The following LAX1 variants were observed in gnomAD, a reference collection of about 807,000 sequenced individuals.
The protein encoded by LAX1 is lymphocyte transmembrane adapter 1.
Under a neutral mutation model 20.7 loss-of-function variants are expected in LAX1, and 17 were observed. That is an observed-to-expected ratio of 0.82 (90% CI 0.56 to 1.23). The LOEUF is 1.23. LAX1 is among the 50% of genes most tolerant of loss of function. The pLI is 0.00. For synonymous variants in LAX1, 165 were observed against 181.0 expected (o/e 0.91, Z 0.71); for missense variants, 470 against 487.0 (o/e 0.97, Z 0.33).
chr1:203,774,101 T>C lies in LAX1; in HGVS notation c.617T>C (p.Leu206Pro), dbSNP rs984797295. 3.7e-6 allele frequency: 6 copies of C among 1,614,106 alleles called. No individual in the cohort carries two copies. The African/African-American group carries it at 6.7e-5, about 18-fold the overall frequency. ...VPTAEEIAETLASTKSPSRNL... is the reference protein window; with the variant it reads ...VPTAEEIAETPASTKSPSRNL... ...ACAGCAGAAGAGATTGCTGAGACTC[T>C]AGCTTCTACCAAAAGCCCTTCCAGA... Residue 206 changes from leucine (L) to proline (P), a missense_variant, in exon 5 of 5, where the codon CTA (leucine) becomes CCA (proline). Transcript: ENST00000442561.
At chr1:203,770,394 C>T (rs1040288587) in intron 1 of LAX1, among the ~76,000 whole-genome samples, 12 of 133,186 alleles carry the variant, frequency 9.0e-5, no homozygotes, top group Admixed American at 1.6e-4. Context: ...CCAGCCTGGG[C>T]GACAGAGAAA....
intron 1 of LAX1, among the ~76,000 whole-genome samples, chr1:203,766,058 T>A (rs1020193625): frequency 6.6e-6 from 1 of 152,238 alleles, no homozygotes; most frequent in Non-Finnish European, 1.5e-5. Context: ...TAGTGATAGA[T>A]GTAATAAAGA....
intron 4 of LAX1, among the ~76,000 whole-genome samples, chr1:203,773,201 A>C (rs957097158): frequency 2.0e-5 from 3 of 152,152 alleles, no homozygotes; most frequent in Non-Finnish European, 4.4e-5. Flanking sequence ...TGTAGCTGAT[A>C]TAGAAAGTGT....
At chr1:203,772,264 G>A (rs1011636573) in intron 4 of LAX1, 117 bp downstream of exon 4, 23 of 756,138 alleles carry the variant, frequency 3.0e-5, no homozygotes, top group African/African-American at 8.6e-5. Flanking sequence ...TTTGGCACTC[G>A]CCCTGCAGTC....
Position 203,773,897 on chromosome 1 carries a change from T to C in LAX1, c.413T>C (p.Phe138Ser). The C allele has an allele frequency of 6.2e-7, 1 of 1,612,130 alleles. No homozygotes were observed. Among genetic ancestry groups the C allele is most frequent in the Non-Finnish European group, 8.5e-7 (1 of 1,179,230 alleles). The stretch of plus-strand genomic sequence containing the variant: ...TAGCCCTCCCAAGCAGGCAATGCCT[T>C]CCAGGAGCATACAGCCCACATCCAT... ...EHVPSQAGNA[F>S]QEHTAHIHAT... The change falls in exon 5 of 5, where the codon TTC (phenylalanine) becomes TCC (serine). Residue 138 changes from phenylalanine (F) to serine (S), a missense_variant. Coordinates refer to ENST00000442561, the MANE Select transcript of LAX1 (RefSeq NM_017773.4).
intron 1 of LAX1, among the ~76,000 whole-genome samples, chr1:203,769,072 C>A (rs1667350574): frequency 6.6e-6 from 1 of 151,934 alleles, no homozygotes; most frequent in South Asian, 2.1e-4. Flanking sequence ...GTCTGTTAGG[C>A]AACTAGTTAG....
Position 203,770,473 on chromosome 1 carries a change from GGAAGGA to G in LAX1, c.90-354_90-349del, listed in dbSNP as rs1558070739. ...AGAGAGAAAGGAAGGAAGGAAGGAA[GGAAGGA>G]AGGAAGGAAGGAAGGAAGGAAGGAA... On this transcript the variant is annotated intron_variant, in intron 1 of 4. Coordinates refer to ENST00000442561, the MANE Select transcript of LAX1 (RefSeq NM_017773.4). Among the ~76,000 whole-genome samples, 38 of 27,874 alleles carry G rather than the reference GGAAGGA, an allele frequency of 1.4e-3. 7 individuals are homozygous for G. The East Asian group carries it at 0.026, about 19-fold the overall frequency. 18.3% of individuals were successfully genotyped at this position (27,874 alleles called of 152,430 possible).
At chr1:203,771,579 C>A in intron 3 of LAX1, 102 bp downstream of exon 3, 1 of 785,782 alleles carries the variant, frequency 1.3e-6, no homozygotes. Flanking sequence ...GTTCTCAAAC[C>A]TGTTTGCCCT....
chr1:203,770,775 C>T, intron 1 of LAX1, 53 bp from the exon 2 acceptor site: 1 of 1,427,440 alleles, frequency 7.0e-7, no homozygotes, highest in Non-Finnish European at 9.9e-7. Flanking sequence ...AATGTCTCCT[C>T]CAGCCTCTCC....
chr1:203,774,678 A>G lies in LAX1; in HGVS notation c.1194A>G (p.Glu398=). The G allele has an allele frequency of 6.2e-7, 1 of 1,612,840 alleles. No homozygotes were observed. Among genetic ancestry groups the G allele is most frequent in the Non-Finnish European group, 8.5e-7 (1 of 1,179,486 alleles). The stretch of plus-strand genomic sequence containing the variant: ...CTGGCACTCAGCTCCTTCCTGATGA[A>G]TGAAGACCCAGGTACCCAGCCATAA... ...QGPGTQLLPD[E] is the part of the protein sequence containing the mutation. Residue 398 remains glutamate, a synonymous_variant, in exon 5 of 5, where the codon GAA becomes GAG. Transcript: ENST00000442561.
In LAX1 at chr1:203,774,420, T is replaced by A; in HGVS notation, c.936T>A (p.Asp312Glu). The change falls in exon 5 of 5, where the codon GAT becomes GAA. Residue 312 changes from aspartate (D) to glutamate (E), a missense_variant. By Grantham distance (45) the Asp-to-Glu change is conservative. Transcript: ENST00000442561. ...GAAGCCAGCAGCAGGCTGAGAAAGATGTGCCATCCTCAAACATAGGTCATG... is the reference window on the plus strand; with the variant it reads ...GAAGCCAGCAGCAGGCTGAGAAAGAAGTGCCATCCTCAAACATAGGTCATG... Reference protein sequence around the residue: ...PSGSQQQAEKDVPSSNIGHVE... With the variant: ...PSGSQQQAEKEVPSSNIGHVE... The A allele has an allele frequency of 6.2e-7, 1 of 1,614,212 alleles. No individual in the cohort carries two copies. Among genetic ancestry groups the A allele is most frequent in the Non-Finnish European group, 8.5e-7 (1 of 1,180,022 alleles).
Position 203,775,991 on chromosome 1 carries a change from G to A in LAX1, c.*1310G>A, listed in dbSNP as rs1169018392. On this transcript the variant is annotated 3_prime_UTR_variant, in exon 5 of 5. Transcript: ENST00000442561. Reference sequence around the variant, plus strand: ...GCTGTTCTGTATGGTACTGTGTGGTGGATACATGACAATATCCATTTGCAA... The same window carrying A: ...GCTGTTCTGTATGGTACTGTGTGGTAGATACATGACAATATCCATTTGCAA... The A allele has an allele frequency of 6.6e-6, 1 of 152,084 alleles. No individual in the cohort carries two copies. The highest frequency in any genetic ancestry group is 1.5e-5 in the Non-Finnish European group (1 of 68,040). 9.4% of individuals were successfully genotyped at this position (152,084 alleles called of 1,614,324 possible).
intron 4 of LAX1, among the ~76,000 whole-genome samples, chr1:203,773,375 A>G (rs574431103): frequency 1.3e-5 from 2 of 152,248 alleles, no homozygotes; most frequent in East Asian, 1.9e-4. Context: ...AATCGATTGA[A>G]CACGGGAGGC....
chr1:203,766,066 A>T (rs1667298719), intron 1 of LAX1, among the ~76,000 whole-genome samples: 1 of 152,228 alleles, frequency 6.6e-6, no homozygotes, highest in Non-Finnish European at 1.5e-5. Flanking sequence ...GATGTAATAA[A>T]GATACGTCCT....
chr1:203,766,242 C>T (rs763794172), intron 1 of LAX1, among the ~76,000 whole-genome samples: 2 of 152,050 alleles, frequency 1.3e-5, no homozygotes, highest in Non-Finnish European at 2.9e-5. Flanking sequence ...TTTGGGAGGC[C>T]GAGTGGGGCG....
In LAX1 at chr1:203,766,262, C is replaced by T. The variant is rs914232986; in HGVS notation, c.89+608C>T. Among the ~76,000 whole-genome samples, 3 of 152,232 alleles carry T rather than the reference C, an allele frequency of 2.0e-5. No individual in the cohort carries two copies. In the South Asian group the frequency reaches 6.2e-4, roughly 32 times the overall value. ...GAGGCCGAGTGGGGCGGATCACCCC[C>T]ACTCTTGAACCAGCCTGGCCAAGAC... On this transcript the variant is annotated intron_variant, in intron 1 of 4. Transcript: ENST00000442561.
chr1:203,774,755 C>T lies in LAX1; in HGVS notation c.*74C>T. 2.4e-6 allele frequency: 3 copies of T among 1,246,078 alleles called. No homozygotes were observed. The South Asian group carries it at 4.2e-5, about 18-fold the overall frequency. 77.2% of individuals were successfully genotyped at this position (1,246,078 alleles called of 1,614,324 possible). A position where few individuals can be genotyped will look rare whatever the true frequency, so the allele number is the denominator to read the frequency against. ...GGATTGACTACTGCAGAGTCTAGTG[C>T]AGACCCGTGATCACCTTAGTGCTTC... On this transcript the variant is annotated 3_prime_UTR_variant, in exon 5 of 5. Coordinates refer to ENST00000442561, the MANE Select transcript of LAX1 (RefSeq NM_017773.4).
chr1:203,772,225 T>A, intron 4 of LAX1, 78 bp downstream of exon 4: 1 of 1,124,644 alleles, frequency 8.9e-7, no homozygotes, highest in Non-Finnish European at 1.3e-6. Flanking sequence ...GGCTTAGATC[T>A]GGTTTCACTG....
At chr1:203,769,333 A>G (rs1199212300) in intron 1 of LAX1, among the ~76,000 whole-genome samples, 1 of 151,514 alleles carries the variant, frequency 6.6e-6, no homozygotes, top group Non-Finnish European at 1.5e-5. Context: ...CAGAGGTTGC[A>G]GTGAGCCAAG....
Sources: gnomAD v4.1 joint callset for allele counts (sites outside exome capture counted in the v4.1 genomes callset) on GRCh38, gnomAD v4.1.1 for gene constraint, MANE v1.5 for transcripts, NCBI Gene and HGNC (gene_info 2026-07-23, HGNC 2026-07-21) for gene names.